ACOX3: variants seen among roughly 807,000 people sequenced by gnomAD.
ACOX3 encodes peroxisomal acyl-coenzyme A oxidase 3.
In ACOX3, 73 loss-of-function variants were observed where a neutral mutation model predicts 81.5. The ratio of observed to expected loss-of-function variants is 0.90; its 90% CI spans 0.74 to 1.09. ACOX3 has a LOEUF of 1.09. Ranked by LOEUF, ACOX3 falls within the 50% of genes least tolerant of loss-of-function variation. The pLI is 0.00. For synonymous variants in ACOX3, 387 were observed against 375.1 expected (o/e 1.03, Z -0.37); for missense variants, 947 against 928.0 (o/e 1.02, Z -0.27).
chr4:8,410,064 G>A, intron 6 of ACOX3, 148 bp downstream of exon 6: 16 of 1,029,318 alleles, frequency 1.6e-5, no homozygotes, highest in Non-Finnish European at 2.2e-5. Context: ...GCTATGGGAT[G>A]CACTGGGGTC....
In ACOX3 at chr4:8,400,563, T is replaced by A. The variant is rs911472620; in HGVS notation, c.777-911A>T. Among the ~76,000 whole-genome samples, 1 of 152,210 alleles carries A rather than the reference T, an allele frequency of 6.6e-6. No individual in the cohort carries two copies. Among genetic ancestry groups the A allele is most frequent in the Admixed American group, 6.5e-5 (1 of 15,282 alleles). ...ACACACACATTGTTATGGATCATGA[T>A]GTATTAATAACCAAAGATACCTGTT... On this transcript the variant is annotated intron_variant, in intron 7 of 17. Coordinates refer to ENST00000356406, the MANE Select transcript of ACOX3 (RefSeq NM_003501.3). The surrounding 1 kb of genome is among the most constrained non-coding windows in gnomAD (Gnocchi z 4.4).
rs372351617 is a variant in ACOX3, at chr4:8,399,649, G to A, written c.780C>T (p.Phe260=). 3.2e-5 allele frequency: 51 copies of A among 1,613,828 alleles called. No homozygotes were observed. Among genetic ancestry groups the A allele is most frequent in the South Asian group, 6.6e-5 (6 of 91,082 alleles). The change falls in exon 8 of 18, where the codon TTC becomes TTT. Residue 260 remains phenylalanine (F), a synonymous_variant. Coordinates refer to ENST00000356406, the MANE Select transcript of ACOX3 (RefSeq NM_003501.3). This position sits in a 1 kb window ranked among gnomAD's most constrained non-coding sequence, Gnocchi z 4.9. The part of the protein sequence containing the change: ...KLGQNGLDNG[F]AMFHKVRVPR... ...GAACTCTGACCTTGTGGAACATGGC[G>A]AAACTGTGGGGAAGCAGCAGGGCTT...
the ACOX3 span, chr4:8,357,499 C>T: frequency 3.1e-6 from 1 of 325,698 alleles, no homozygotes; most frequent in East Asian, 7.6e-5. Flanking sequence ...TCTACATTAC[C>T]AAAATAGTAC....
chr4:8,434,494 G>T lies in ACOX3; in HGVS notation c.-15+6154C>A, dbSNP rs12506272. Reference sequence around the variant, plus strand: ...CCCTGTGGGGGGCTCCAGCCAGCTTGCGCGATGCAGATCCTGAGAGTGCTC... The same window carrying T: ...CCCTGTGGGGGGCTCCAGCCAGCTTTCGCGATGCAGATCCTGAGAGTGCTC... On this transcript the variant is annotated intron_variant, in intron 1 of 17. Coordinates refer to ENST00000356406, the MANE Select transcript of ACOX3 (RefSeq NM_003501.3). 8.7e-3 allele frequency among the ~76,000 whole-genome samples: 1,320 copies of T among 152,372 alleles called. 5 individuals are homozygous for T. Among genetic ancestry groups the T allele is most frequent in the South Asian group, 0.033 (161 of 4,830 alleles).
intron 1 of ACOX3, chr4:8,436,149 C>T (rs537144487): frequency 2.6e-5 from 4 of 152,314 alleles, no homozygotes; most frequent in Non-Finnish European, 5.9e-5. Context: ...ACCCTGAACC[C>T]GCCACCTTGT....
chr4:8,364,244 T>C (rs990560570), downstream of ACOX3, among the ~76,000 whole-genome samples: 1 of 152,214 alleles, frequency 6.6e-6, no homozygotes. The surrounding 1 kb of genome is among the most constrained non-coding windows in gnomAD (Gnocchi z 5.0). Context: ...AATCAGGCTG[T>C]AACCCAGCAA....
Position 8,405,054 on chromosome 4 carries a change from CTT to C in ACOX3, c.776+899_776+900del, listed in dbSNP as rs1445132713. The stretch of plus-strand genomic sequence containing the variant: ...GCAGGGCCCTGGCACAGGGACCTCT[CTT>C]GTCACCTACTTTACAGATGAGGAAA... On this transcript the variant is annotated intron_variant, in intron 7 of 17. Coordinates refer to ENST00000356406, the MANE Select transcript of ACOX3 (RefSeq NM_003501.3). This position sits in a 1 kb window ranked among gnomAD's most constrained non-coding sequence, Gnocchi z 7.1. 1.3e-5 allele frequency among the ~76,000 whole-genome samples: 2 copies of C among 152,152 alleles called. No individual in the cohort carries two copies. The highest frequency in any genetic ancestry group is 2.9e-5 in the Non-Finnish European group (2 of 68,022).
Position 8,397,119 on chromosome 4 carries a change from C to T in ACOX3, c.874G>A (p.Asp292Asn). The T allele has an allele frequency of 6.5e-7, 1 of 1,548,814 alleles. No individual in the cohort carries two copies. The highest frequency in any genetic ancestry group is 8.7e-7 in the Non-Finnish European group (1 of 1,151,176). Residue 292 changes from aspartate (D) to asparagine (N), a missense_variant and splice_region_variant, in exon 9 of 18, where the codon GAC (aspartate) becomes AAC (asparagine). By Grantham distance (23) the Asp-to-Asn change is conservative. Coordinates refer to ENST00000356406, the MANE Select transcript of ACOX3 (RefSeq NM_003501.3). ...PEGTYVSPFK[D>N]VRQRFGASLG... Reference sequence around the variant, plus strand: ...GACGCTCCAAAGCGCTGCCTGACGTCCTACGGGAGGGACACAGATGATAAG... The same window carrying T: ...GACGCTCCAAAGCGCTGCCTGACGTTCTACGGGAGGGACACAGATGATAAG...
At position 8,386,807 on chromosome 4, in the gene ACOX3, A is replaced by G. The variant is rs1335031787; in HGVS notation, c.1537+2366T>C. Among the ~76,000 whole-genome samples, 2 of 152,232 alleles carry G rather than the reference A, an allele frequency of 1.3e-5. No individual in the cohort carries two copies. The highest frequency in any genetic ancestry group is 1.3e-4 in the Admixed American group (2 of 15,288). ...GAAGCCGGACCGGCCCAGGCTCCACACCGGCTTCGGCCACGGCTGTTGTCC... is the reference window on the plus strand; with the variant it reads ...GAAGCCGGACCGGCCCAGGCTCCACGCCGGCTTCGGCCACGGCTGTTGTCC... On this transcript the variant is annotated intron_variant, in intron 13 of 17. Coordinates refer to ENST00000356406, the MANE Select transcript of ACOX3 (RefSeq NM_003501.3). The surrounding 1 kb of genome is among the most constrained non-coding windows in gnomAD (Gnocchi z 5.2).
intron 17 of ACOX3, 65 bp from the exon 18 acceptor site, chr4:8,367,145 C>T: frequency 6.3e-7 from 1 of 1,582,716 alleles, no homozygotes; most frequent in Admixed American, 1.7e-5. Context: ...TCCTAGACGG[C>T]TGAGTGTGCA....
chr4:8,390,056 T>C (rs1436156914), intron 11 of ACOX3, among the ~76,000 whole-genome samples: 1 of 145,374 alleles, frequency 6.9e-6, no homozygotes, highest in Non-Finnish European at 1.5e-5. Context: ...TGAGCCGAGA[T>C]TGCGCAACTG....
intron 1 of ACOX3, among the ~76,000 whole-genome samples, chr4:8,438,182 C>T (rs1019383983): frequency 6.6e-6 from 1 of 152,144 alleles, no homozygotes; most frequent in Non-Finnish European, 1.5e-5. Context: ...AGAAAAAGTA[C>T]AAGAAGTGAC....
At position 8,389,602 on chromosome 4, in the gene ACOX3, A is replaced by C; in HGVS notation, c.1423+10T>G. On this transcript the variant is annotated intron_variant, in intron 12 of 17. Coordinates refer to ENST00000356406, the MANE Select transcript of ACOX3 (RefSeq NM_003501.3). This position sits in a 1 kb window ranked among gnomAD's most constrained non-coding sequence, Gnocchi z 5.3. ...TCCAGCGCCCCCACCAGTGTGCAGC[A>C]GAGCCTCACCGTGGACCTGGTGTGC... 4 of 1,613,676 alleles carry C rather than the reference A, an allele frequency of 2.5e-6. No individual in the cohort carries two copies. The highest frequency in any genetic ancestry group is 2.5e-6 in the Non-Finnish European group (3 of 1,179,982).
At chr4:8,415,633 A>G in intron 3 of ACOX3, 133 bp downstream of exon 3, 1 of 725,616 alleles carries the variant, frequency 1.4e-6, no homozygotes, top group African/African-American at 1.8e-5. Context: ...AAAAAAAGAT[A>G]ATTTTTAAAA....
chr4:8,356,729 G>C, the ACOX3 span: 4 of 456,504 alleles, frequency 8.8e-6, no homozygotes, highest in Admixed American at 2.4e-5. Flanking sequence ...ATCCCAGCAG[G>C]CGAGAGGAAG....
rs1419362976 is a variant in ACOX3 at position 8,407,202 on chromosome 4, T to C, written c.688-1159A>G. ...CTCCTATCTCTGTATGGCCTGGTTTTTCCTAGGTTATGATTATAGAGCGAG... is the reference window on the plus strand; with the variant it reads ...CTCCTATCTCTGTATGGCCTGGTTTCTCCTAGGTTATGATTATAGAGCGAG... On this transcript the variant is annotated intron_variant, in intron 6 of 17. Transcript: ENST00000356406. The surrounding 1 kb of genome is among the most constrained non-coding windows in gnomAD (Gnocchi z 4.6). Among the ~76,000 whole-genome samples the C allele has an allele frequency of 6.6e-6, 1 of 152,254 alleles. No homozygotes were observed. The highest frequency in any genetic ancestry group is 2.4e-5 in the African/African-American group (1 of 41,460).
Position 8,389,838 on chromosome 4 carries a change from C to T in ACOX3, c.1301-104G>A. 6.8e-7 allele frequency: 1 copy of T among 1,478,540 alleles called. No homozygotes were observed. The highest frequency in any genetic ancestry group is 1.8e-5 in the Admixed American group (1 of 56,902). The allele number at this position is 1,478,540 out of a possible 1,614,324, so 91.6% of individuals were successfully genotyped here. ...AGCCTTAAGAGGCTGGGTGCGGTGG[C>T]TCACACCTGTAATGGCAGCACTTTG... On this transcript the variant is annotated intron_variant, in intron 11 of 17. Transcript: ENST00000356406. The surrounding 1 kb of genome is among the most constrained non-coding windows in gnomAD (Gnocchi z 5.3).
At chr4:8,396,550 G>A (rs1030245797) in intron 9 of ACOX3, among the ~76,000 whole-genome samples, 4 of 152,032 alleles carry the variant, frequency 2.6e-5, no homozygotes, top group Non-Finnish European at 5.9e-5. Flanking sequence ...GGTGGTGCAT[G>A]CCCATAATCC....
intron 8 of ACOX3, among the ~76,000 whole-genome samples, chr4:8,398,486 TTTCC>T (rs1719968266): frequency 6.6e-6 from 1 of 152,144 alleles, no homozygotes; most frequent in African/African-American, 2.4e-5. Context: ...CATTTCTTTC[TTTCC>T]TTCTCTTTTG....
Sources: allele counts gnomAD v4.1 joint callset (sites outside exome capture counted in the v4.1 genomes callset), GRCh38; gene constraint gnomAD v4.1.1; non-coding constraint Gnocchi (gnomAD v3.1); transcripts MANE v1.5; gene names NCBI Gene and HGNC (gene_info 2026-07-23, HGNC 2026-07-21).